EPG5: variants seen among roughly 807,000 people sequenced by gnomAD.
The protein encoded by EPG5 is ectopic P granules protein 5 homolog.
In EPG5, 159 loss-of-function variants were observed where a neutral mutation model predicts 302.7. The ratio of observed to expected loss-of-function variants is 0.53; its 90% CI spans 0.46 to 0.60. The LOEUF (loss-of-function observed/expected upper bound fraction) is 0.60. Among genes scored for constraint, EPG5 ranks in the 20% least tolerant of loss-of-function variants. The pLI is 0.00. For synonymous variants in EPG5, 1,158 were observed against 1,136.8 expected, an observed-to-expected ratio of 1.02 and a Z score of -0.37; for missense variants, 2,896 against 3,092.4, an observed-to-expected ratio of 0.94 and a Z score of 1.51.
intron 33 of EPG5, among the ~76,000 whole-genome samples, chr18:45,878,655 A>G (rs1464262217): frequency 1.3e-5 from 2 of 152,240 alleles, no homozygotes; most frequent in Non-Finnish European, 2.9e-5. Flanking sequence ...TTGTATTACA[A>G]TACAATATCA....
chr18:45,908,195 T>C, intron 23 of EPG5, 114 bp from the exon 24 acceptor site: 2 of 829,416 alleles, frequency 2.4e-6, no homozygotes, highest in Non-Finnish European at 3.5e-6. Flanking sequence ...AAGCCCATAA[T>C]ACAGAAAATG....
chr18:45,876,241 A>G lies in EPG5; in HGVS notation c.6044T>C (p.Phe2015Ser), dbSNP rs756154171. 1.5e-5 allele frequency: 24 copies of G among 1,610,256 alleles called. No homozygotes were observed. In the Admixed American group the frequency reaches 3.8e-4, roughly 26 times the overall value. Residue 2015 changes from phenylalanine to serine, a missense_variant, in exon 35 of 44, where the codon TTT (phenylalanine) becomes TCT (serine). Phe to Ser is a radical substitution (Grantham distance 155). Transcript: ENST00000282041. ...ACAGCCTGACATCTTCCTACCTTTA[A>G]AACTCTCATGCAGTGAGTCAATACA... The part of the protein sequence containing the change: ...TDCIDSLHES[F>S]KDKLLPGDAG...
chr18:45,943,344 T>C lies in EPG5; in HGVS notation c.1793-33A>G, dbSNP rs751230787. ...TTAATCAGATAAAAGAAAAAAATCATAGTTACTATGAAAAAACATGAACGG... is the reference window on the plus strand; with the variant it reads ...TTAATCAGATAAAAGAAAAAAATCACAGTTACTATGAAAAAACATGAACGG... On this transcript the variant is annotated intron_variant, in intron 8 of 43. Coordinates refer to ENST00000282041, the MANE Select transcript of EPG5 (RefSeq NM_020964.3). 11 of 1,583,632 alleles carry C rather than the reference T, an allele frequency of 6.9e-6. No homozygotes were observed. The East Asian group carries it at 2.5e-4, about 35-fold the overall frequency.
At chr18:45,927,690 A>C (rs984018130) in intron 13 of EPG5, among the ~76,000 whole-genome samples, 4 of 152,026 alleles carry the variant, frequency 2.6e-5, no homozygotes, top group Non-Finnish European at 5.9e-5. Flanking sequence ...CACATGCTAC[A>C]ACATGGATGA....
intron 24 of EPG5, among the ~76,000 whole-genome samples, chr18:45,907,604 C>T (rs796270493): frequency 3.9e-5 from 6 of 152,180 alleles, no homozygotes; most frequent in African/African-American, 1.4e-4. Flanking sequence ...CTTACAAATT[C>T]TTACACTGCA....
chr18:45,853,705 A>G (rs1011597446), intron 43 of EPG5, among the ~76,000 whole-genome samples: 1 of 152,222 alleles, frequency 6.6e-6, no homozygotes, highest in Non-Finnish European at 1.5e-5. Context: ...GAAATTAACT[A>G]CCAGGAGGGC....
intron 27 of EPG5, 126 bp from the exon 28 acceptor site, chr18:45,890,066 C>A: frequency 1.6e-6 from 1 of 640,688 alleles, no homozygotes; most frequent in South Asian, 2.7e-5. Flanking sequence ...TATATGACTG[C>A]CTTATAAACT....
intron 12 of EPG5, among the ~76,000 whole-genome samples, chr18:45,929,452 A>T (rs1381381899): frequency 6.6e-6 from 1 of 152,274 alleles, no homozygotes; most frequent in Non-Finnish European, 1.5e-5. Flanking sequence ...TATGTCTTCC[A>T]AAGTGTATGT....
intron 36 of EPG5, among the ~76,000 whole-genome samples, chr18:45,869,180 G>A (rs1000573069): frequency 6.6e-6 from 1 of 152,050 alleles, no homozygotes. Context: ...GGCTACTCAT[G>A]AATTTTTCCT....
chr18:45,891,821 A>G lies in EPG5; in HGVS notation c.4810-1881T>C, dbSNP rs2049358296. 2.0e-5 allele frequency among the ~76,000 whole-genome samples: 3 copies of G among 152,252 alleles called. No homozygotes were observed. The South Asian group carries it at 6.2e-4, about 31-fold the overall frequency. ...AATTACTTGCATTTAATTAGATAAT[A>G]AATCAATACAAGTATCTGAATTAAA... On this transcript the variant is annotated intron_variant, in intron 27 of 43. Transcript: ENST00000282041.
chr18:45,939,867 C>T, intron 9 of EPG5, 112 bp from the exon 10 acceptor site: 1 of 942,640 alleles, frequency 1.1e-6, no homozygotes, highest in East Asian at 2.6e-5. Context: ...CACCTACTAT[C>T]CACCTACTAT....
At chr18:45,821,105 G>A in the EPG5 span, among the ~76,000 whole-genome samples, 24 of 152,312 alleles carry the variant, frequency 1.6e-4, no homozygotes, top group East Asian at 3.3e-3. Flanking sequence ...ATAGACTCAC[G>A]GATGTGAAAA....
At chr18:45,874,893 C>T (rs1467878738) in intron 35 of EPG5, among the ~76,000 whole-genome samples, 1 of 152,208 alleles carries the variant, frequency 6.6e-6, no homozygotes, top group African/African-American at 2.4e-5. Context: ...TGAAACCAGC[C>T]AACCGAGGAC....
Position 45,865,573 on chromosome 18 carries a change from G to A in EPG5, c.6766+42C>T, listed in dbSNP as rs762084062. The A allele has an allele frequency of 7.5e-6, 12 of 1,603,464 alleles. No individual in the cohort carries two copies. In the Admixed American group the frequency reaches 8.4e-5, roughly 11 times the overall value. ...ACAGTGCCTTACGCACAGCAGGAAT[G>A]CATTGACTGAATGAATACAGGACTT... On this transcript the variant is annotated intron_variant, in intron 39 of 43. Transcript: ENST00000282041.
rs1034509959 is a variant in EPG5, at chr18:45,864,397, A to G, written c.6766+1218T>C. On this transcript the variant is annotated intron_variant, in intron 39 of 43. Transcript: ENST00000282041. ...TATAATCTTTATATTTTTCATTTCT[A>G]AATTATATAAATCTCTCAAATCTGC... Among the ~76,000 whole-genome samples the G allele has an allele frequency of 2.0e-5, 3 of 152,146 alleles. No individual in the cohort carries two copies. The East Asian group carries it at 5.8e-4, about 29-fold the overall frequency.
At chr18:45,884,418 C>T (rs933147102) in intron 30 of EPG5, among the ~76,000 whole-genome samples, 199 bp downstream of exon 30, 6 of 152,158 alleles carry the variant, frequency 3.9e-5, no homozygotes, top group African/African-American at 1.4e-4. Context: ...CACTGCTATA[C>T]AAGACAACCA....
chr18:45,914,485 G>C (rs1020450118), intron 20 of EPG5, among the ~76,000 whole-genome samples: 1 of 152,222 alleles, frequency 6.6e-6, no homozygotes, highest in African/African-American at 2.4e-5. Flanking sequence ...AAGTCTAAGA[G>C]GTGGTAATGA....
chr18:45,916,595 C>T lies in EPG5; in HGVS notation c.3240-13G>A. 1 of 1,584,574 alleles carries T rather than the reference C, an allele frequency of 6.3e-7. No homozygotes were observed. The highest frequency in any genetic ancestry group is 8.6e-7 in the Non-Finnish European group (1 of 1,156,612). On this transcript the variant is annotated splice_polypyrimidine_tract_variant and intron_variant, in intron 17 of 43. Coordinates refer to ENST00000282041, the MANE Select transcript of EPG5 (RefSeq NM_020964.3). ...ATGCGATAAAAACCTGCCAAGCACA[C>T]AGGAGGACGCACTTTACCTTCCGAT...
At position 45,907,486 on chromosome 18, in the gene EPG5, T is replaced by C. The variant is rs755452246; in HGVS notation, c.4329+472A>G. Among the ~76,000 whole-genome samples, 4 of 152,008 alleles carry C rather than the reference T, an allele frequency of 2.6e-5. No individual in the cohort carries two copies. The South Asian group carries it at 6.2e-4, about 24-fold the overall frequency. ...AAATCAAGTGGTTCCAGAAGAGCAA[T>C]CAGAACTGTGACAATGACAAGTAAG... On this transcript the variant is annotated intron_variant, in intron 24 of 43. Coordinates refer to ENST00000282041, the MANE Select transcript of EPG5 (RefSeq NM_020964.3).
Sources: gnomAD v4.1 joint callset for allele counts (sites outside exome capture counted in the v4.1 genomes callset) on GRCh38, gnomAD v4.1.1 for gene constraint, MANE v1.5 for transcripts, NCBI Gene and HGNC (gene_info 2026-07-23, HGNC 2026-07-21) for gene names.